FMN1: variants seen among roughly 807,000 people sequenced by gnomAD.
FMN1 encodes formin 1.
FMN1 carries 110 observed loss-of-function variants against 132.4 expected under a neutral mutation model. That is an observed-to-expected ratio of 0.83 (90% CI 0.71 to 0.97). The LOEUF (loss-of-function observed/expected upper bound fraction) is 0.97, where lower values mean the gene tolerates loss of function less well. Ranked by LOEUF, FMN1 falls within the 50% of genes least tolerant of loss-of-function variation. The probability of loss-of-function intolerance (pLI) is 0.00; values close to 1 mark genes in which losing one functional copy is unlikely to be tolerated. For missense variants in FMN1, 1,792 were observed against 1,705.3 expected, an observed-to-expected ratio of 1.05 and a Z score of -0.90; for synonymous variants, 722 against 651.7, an observed-to-expected ratio of 1.11 and a Z score of -1.64.
At chr15:32,835,795 AAAT>A (rs1485411069) in intron 17 of FMN1, among the ~76,000 whole-genome samples, 1 of 152,176 alleles carries the variant, frequency 6.6e-6, no homozygotes, top group African/African-American at 2.4e-5. Flanking sequence ...AAAGTCATGA[AAAT>A]AAGAAAGAAA....
chr15:33,134,607 G>A (rs948256294), intron 4 of FMN1, among the ~76,000 whole-genome samples: 2 of 152,238 alleles, frequency 1.3e-5, no homozygotes, highest in African/African-American at 4.8e-5. Context: ...GGGCCACAAA[G>A]TCAAGTGGAG....
chr15:33,125,573 C>T (rs564419927), intron 4 of FMN1, among the ~76,000 whole-genome samples: 1 of 152,284 alleles, frequency 6.6e-6, no homozygotes, highest in African/African-American at 2.4e-5. Flanking sequence ...GGCATGGTGT[C>T]TCACACCTGT....
intron 16 of FMN1, among the ~76,000 whole-genome samples, chr15:32,859,721 T>C (rs1017565536): frequency 3.9e-5 from 6 of 152,200 alleles, no homozygotes; most frequent in African/African-American, 1.4e-4. Context: ...GAGAGCTCCA[T>C]GTATCTGGCG....
At chr15:33,035,275 T>C (rs1198015799) in intron 6 of FMN1, among the ~76,000 whole-genome samples, 2 of 152,222 alleles carry the variant, frequency 1.3e-5, no homozygotes, top group South Asian at 4.1e-4. Flanking sequence ...TGATTTCCTA[T>C]TGCTGACAAA....
rs1208693891 is a variant in FMN1 at position 32,901,763 on chromosome 15, ACG to A, written c.3507+146_3507+147del. 5.4e-6 allele frequency: 3 copies of A among 560,436 alleles called. No individual in the cohort carries two copies. The African/African-American group carries it at 5.8e-5, about 11-fold the overall frequency. The allele number at this position is 560,436 out of a possible 1,614,324, so 34.7% of individuals were successfully genotyped here. On this transcript the variant is annotated intron_variant, in intron 13 of 20. Coordinates refer to ENST00000616417, the MANE Select transcript of FMN1 (RefSeq NM_001277313.2). ...CTCCCTCTCTCTCATACACACACAC[ACG>A]GGCAAGATAATCATCAAATTTACAC...
chr15:32,770,191 C>A lies in FMN1; in HGVS notation c.*4119G>T, dbSNP rs16958617. The A allele has an allele frequency of 6.6e-6, 1 of 152,024 alleles. No individual in the cohort carries two copies. The highest frequency in any genetic ancestry group is 2.1e-4 in the South Asian group (1 of 4,820). 9.4% of individuals were successfully genotyped at this position (152,024 alleles called of 1,614,324 possible). ...TATGTCAGGGAATGAAGAGGTTCCC[C>A]GGTCAATGTTACAGCCTGGTTCCTG... is the stretch of plus-strand genomic sequence containing the variant. On this transcript the variant is annotated 3_prime_UTR_variant, in exon 21 of 21. Coordinates refer to ENST00000616417, the MANE Select transcript of FMN1 (RefSeq NM_001277313.2).
At chr15:32,985,188 A>AT (rs1566792445) in intron 7 of FMN1, among the ~76,000 whole-genome samples, 1 of 152,094 alleles carries the variant, frequency 6.6e-6, no homozygotes, top group Admixed American at 6.6e-5. Flanking sequence ...GCTCACATAG[A>AT]TAACTAACAG....
chr15:32,813,033 C>CT (rs201257948), intron 17 of FMN1, among the ~76,000 whole-genome samples: 400 of 151,530 alleles, frequency 2.6e-3, no homozygotes, highest in Non-Finnish European at 4.2e-3. Context: ...CATATACACG[C>CT]TTTTTTTTTC....
intron 6 of FMN1, among the ~76,000 whole-genome samples, chr15:33,032,571 A>C (rs1303152424): frequency 1.3e-5 from 2 of 152,210 alleles, no homozygotes; most frequent in African/African-American, 4.8e-5. Flanking sequence ...AAAGTCAAAA[A>C]ATCATTAAGT....
intron 4 of FMN1, among the ~76,000 whole-genome samples, chr15:33,111,621 A>G (rs1247122702): frequency 1.3e-5 from 2 of 152,226 alleles, no homozygotes; most frequent in Non-Finnish European, 2.9e-5. Flanking sequence ...TGCTATATCC[A>G]TATGAAGGAG....
intron 17 of FMN1, among the ~76,000 whole-genome samples, chr15:32,828,685 G>GTCGGCCGGGCGCGGTGGC (rs2058430603): frequency 6.6e-6 from 1 of 152,158 alleles, no homozygotes; most frequent in African/African-American, 2.4e-5. Context: ...TTAAAATATT[G>GTCGGCCGGGCGCGGTGGC]TCACGACTCA....
rs773605616 is a variant in FMN1 at position 33,066,522 on chromosome 15, C to G, written c.2044-1448G>C. ...CCAATTCTACATACACTTTTGGAATCAGAGGGGCCATCCGCTGGCTTAGAA... is the reference window on the plus strand; with the variant it reads ...CCAATTCTACATACACTTTTGGAATGAGAGGGGCCATCCGCTGGCTTAGAA... On this transcript the variant is annotated intron_variant, in intron 5 of 20. Transcript: ENST00000616417. 59 of 1,548,706 alleles carry G rather than the reference C, an allele frequency of 3.8e-5. No individual in the cohort carries two copies. The Admixed American group carries it at 1.2e-3, about 32-fold the overall frequency.
rs1487576422 is a variant in FMN1, at chr15:32,771,577, T to TA, written c.*2732dup. On this transcript the variant is annotated 3_prime_UTR_variant, in exon 21 of 21. Coordinates refer to ENST00000616417, the MANE Select transcript of FMN1 (RefSeq NM_001277313.2). ...AAGTTGTTTGTAAGTTAAGGGTTCTTAGAGTTACTACTAAGTCAGGTGTGT... is the reference window on the plus strand; with the variant it reads ...AAGTTGTTTGTAAGTTAAGGGTTCTTAAGAGTTACTACTAAGTCAGGTGTGT... 1.3e-5 allele frequency: 2 copies of TA among 152,214 alleles called. No individual in the cohort carries two copies. Among genetic ancestry groups the TA allele is most frequent in the Admixed American group, 1.3e-4 (2 of 15,292 alleles). 9.4% of individuals were successfully genotyped at this position (152,214 alleles called of 1,614,324 possible). A position where few individuals can be genotyped will look rare whatever the true frequency, so the allele number is the denominator to read the frequency against.
intron 17 of FMN1, among the ~76,000 whole-genome samples, chr15:32,851,218 A>C (rs1213434592): frequency 6.6e-6 from 1 of 152,238 alleles, no homozygotes; most frequent in Non-Finnish European, 1.5e-5. Context: ...AAATTAACGG[A>C]GAATGAGATA....
chr15:33,080,540 G>A (rs995496550), intron 5 of FMN1, among the ~76,000 whole-genome samples: 5 of 152,134 alleles, frequency 3.3e-5, no homozygotes, highest in African/African-American at 9.7e-5. Context: ...ATCACCTGAC[G>A]TCAGGAGTTC....
intron 4 of FMN1, among the ~76,000 whole-genome samples, chr15:33,099,821 G>C (rs1160618517): frequency 2.6e-5 from 4 of 152,110 alleles, no homozygotes; most frequent in African/African-American, 9.7e-5. Flanking sequence ...TATGGTATGA[G>C]TTACCATTTC....
chr15:32,881,441 A>AT (rs2059767925), intron 16 of FMN1, among the ~76,000 whole-genome samples: 1 of 152,176 alleles, frequency 6.6e-6, no homozygotes, highest in Non-Finnish European at 1.5e-5. Flanking sequence ...TGATGCTTTT[A>AT]AAGAATTCTA....
chr15:33,012,677 G>A lies in FMN1; in HGVS notation c.2162-4602C>T, dbSNP rs2034796022. The A allele has an allele frequency of 6.0e-6, 5 of 829,668 alleles. No individual in the cohort carries two copies. In the Admixed American group the frequency reaches 6.8e-5, roughly 11 times the overall value. 51.4% of individuals were successfully genotyped at this position (829,668 alleles called of 1,614,324 possible). On this transcript the variant is annotated intron_variant, in intron 6 of 20. Coordinates refer to ENST00000616417, the MANE Select transcript of FMN1 (RefSeq NM_001277313.2). ...GCCCTGTCAAAGCAAGAGATGGCTA[G>A]TGCTTCATCCAGCCAAAGAGGACAT... is the stretch of plus-strand genomic sequence containing the variant.
intron 4 of FMN1, among the ~76,000 whole-genome samples, chr15:33,123,282 CTG>C (rs1223715193): frequency 6.6e-6 from 1 of 151,934 alleles, no homozygotes; most frequent in Non-Finnish European, 1.5e-5. Flanking sequence ...CAAATCAAAA[CTG>C]GGGTCATGTC....
Sources: gnomAD v4.1 joint callset for allele counts (sites outside exome capture counted in the v4.1 genomes callset) on GRCh38, gnomAD v4.1.1 for gene constraint, MANE v1.5 for transcripts, NCBI Gene and HGNC (gene_info 2026-07-23, HGNC 2026-07-21) for gene names.